The following TAFA2 variants were observed in gnomAD, a reference collection of about 807,000 sequenced individuals.
TAFA2 encodes the protein chemokine-like protein TAFA-2.
In TAFA2, 7 loss-of-function variants were observed where a neutral mutation model predicts 18.8. That is an observed-to-expected ratio of 0.37 (90% CI 0.21 to 0.70). The LOEUF is 0.70. TAFA2 is among the 30% of genes least tolerant of loss of function. The pLI is 0.53. For missense variants in TAFA2, 122 were observed against 158.1 expected, an observed-to-expected ratio of 0.77 and a Z score of 1.23; for synonymous variants, 60 against 54.2, an observed-to-expected ratio of 1.11 and a Z score of -0.47.
At chr12:62,247,630 C>T (rs143364642) in intron 1 of TAFA2, among the ~76,000 whole-genome samples, 2 of 152,250 alleles carry the variant, frequency 1.3e-5, no homozygotes, top group African/African-American at 4.8e-5. Context: ...GGAACATAAC[C>T]CTTACGTAGA....
At chr12:61,914,944 C>G (rs1164410890) in intron 1 of TAFA2, among the ~76,000 whole-genome samples, 1 of 152,120 alleles carries the variant, frequency 6.6e-6, no homozygotes, top group African/African-American at 2.4e-5. Flanking sequence ...AGGCAGATAA[C>G]CTGAGGTCAG....
intron 2 of TAFA2, among the ~76,000 whole-genome samples, chr12:61,790,249 C>T (rs1395457395): frequency 6.6e-6 from 1 of 151,246 alleles, no homozygotes; most frequent in Non-Finnish European, 1.5e-5. Context: ...ATGGCAAACC[C>T]ACAGCTAACA....
chr12:62,010,845 C>T (rs1202855860), intron 1 of TAFA2, among the ~76,000 whole-genome samples: 1 of 125,460 alleles, frequency 8.0e-6, no homozygotes, highest in Non-Finnish European at 1.7e-5. Context: ...AGCCCTTCGT[C>T]TGGGAGGTGG....
At chr12:61,839,870 T>C (rs1338013742) in intron 2 of TAFA2, among the ~76,000 whole-genome samples, 1 of 151,798 alleles carries the variant, frequency 6.6e-6, no homozygotes, top group Non-Finnish European at 1.5e-5. Flanking sequence ...AATAAAAGTT[T>C]AAATTAAAAA....
chr12:62,031,022 C>A (rs1430093401), intron 1 of TAFA2, among the ~76,000 whole-genome samples: 1 of 152,070 alleles, frequency 6.6e-6, no homozygotes, highest in East Asian at 1.9e-4. Flanking sequence ...TCCACTTTTA[C>A]TTATTAAAGA....
At chr12:61,972,259 A>G (rs1046413111) in intron 1 of TAFA2, among the ~76,000 whole-genome samples, 1 of 150,938 alleles carries the variant, frequency 6.6e-6, no homozygotes, top group Non-Finnish European at 1.5e-5. Flanking sequence ...CCTAAATGTA[A>G]GAGACAAAAC....
At chr12:61,772,959 T>C (rs1870098207) in intron 2 of TAFA2, among the ~76,000 whole-genome samples, 1 of 151,542 alleles carries the variant, frequency 6.6e-6, no homozygotes, top group Non-Finnish European at 1.5e-5. Flanking sequence ...ACCTAGAAAA[T>C]CCTAAAGACT....
chr12:62,167,081 T>C (rs1403382415), intron 1 of TAFA2, among the ~76,000 whole-genome samples: 1 of 151,754 alleles, frequency 6.6e-6, no homozygotes, highest in Non-Finnish European at 1.5e-5. Flanking sequence ...AAAAAATCAA[T>C]GGAGAAAAAG....
chr12:62,147,334 A>G (rs751410654), intron 1 of TAFA2, among the ~76,000 whole-genome samples: 2,711 of 58,962 alleles, frequency 0.046, 106 homozygotes, highest in Middle Eastern at 0.085. Flanking sequence ...ATGTATATAT[A>G]TATATATATA....
intron 1 of TAFA2, among the ~76,000 whole-genome samples, chr12:61,932,531 C>A (rs1877600237): frequency 6.6e-6 from 1 of 152,132 alleles, no homozygotes; most frequent in Non-Finnish European, 1.5e-5. Flanking sequence ...GCTCTGCCTT[C>A]CTGTTTCAAG....
intron 2 of TAFA2, among the ~76,000 whole-genome samples, chr12:61,781,454 T>C (rs1218419998): frequency 1.3e-5 from 2 of 151,804 alleles, no homozygotes; most frequent in Admixed American, 1.3e-4. Context: ...TTAAACATAT[T>C]TTACTTCTTG....
chr12:62,244,237 CT>C (rs35569192), intron 1 of TAFA2, among the ~76,000 whole-genome samples: 24,286 of 134,134 alleles, frequency 0.18, 2,020 homozygotes, highest in East Asian at 0.33. Context: ...TTTCTTTTGT[CT>C]TTTTTTTTTT....
intron 1 of TAFA2, among the ~76,000 whole-genome samples, chr12:61,932,679 A>G (rs1877607874): frequency 6.6e-6 from 1 of 152,020 alleles, no homozygotes; most frequent in South Asian, 2.1e-4. Context: ...TGACCTCGTG[A>G]TCTGTCCTCC....
At chr12:62,168,652 T>C (rs956173036) in intron 1 of TAFA2, among the ~76,000 whole-genome samples, 2 of 152,048 alleles carry the variant, frequency 1.3e-5, no homozygotes, top group African/African-American at 4.8e-5. Flanking sequence ...CTGGGCAATA[T>C]GGCAAGACCC....
At chr12:61,761,678 TAA>T (rs1292197631) in intron 2 of TAFA2, among the ~76,000 whole-genome samples, 1 of 152,056 alleles carries the variant, frequency 6.6e-6, no homozygotes, top group East Asian at 1.9e-4. Flanking sequence ...ACAGAAATGT[TAA>T]GAGACACAGA....
At chr12:62,082,769 G>A (rs1186115317) in intron 1 of TAFA2, among the ~76,000 whole-genome samples, 1 of 151,980 alleles carries the variant, frequency 6.6e-6, no homozygotes, top group African/African-American at 2.4e-5. Context: ...TCATCACAGT[G>A]GAACATTTCA....
intron 1 of TAFA2, among the ~76,000 whole-genome samples, chr12:61,872,763 C>T (rs1336688520): frequency 6.6e-6 from 1 of 152,076 alleles, no homozygotes; most frequent in Non-Finnish European, 1.5e-5. Flanking sequence ...AAGGTTCTCC[C>T]ACCTGTCTTT....
chr12:62,020,106 C>A (rs1881080546), intron 1 of TAFA2, among the ~76,000 whole-genome samples: 2 of 152,160 alleles, frequency 1.3e-5, no homozygotes, highest in South Asian at 4.1e-4. Flanking sequence ...TGAGAACTTA[C>A]CTTTAACTGA....
At chr12:62,037,417 C>T (rs1881638874) in intron 1 of TAFA2, among the ~76,000 whole-genome samples, 1 of 152,228 alleles carries the variant, frequency 6.6e-6, no homozygotes. Context: ...AAATTGCTCT[C>T]TCTTGAGTTC....
Sources: gnomAD v4.1 joint callset for allele counts (sites outside exome capture counted in the v4.1 genomes callset) on GRCh38, gnomAD v4.1.1 for gene constraint, MANE v1.5 for transcripts, NCBI Gene and HGNC (gene_info 2026-07-23, HGNC 2026-07-21) for gene names.